The following AKT1S1 variants were observed in gnomAD, a reference collection of about 807,000 sequenced individuals.
AKT1S1 encodes the protein AKT1 substrate 1.
In AKT1S1, 17 loss-of-function variants were observed where a neutral mutation model predicts 21.2. The observed-to-expected ratio is 0.80, with a 90% confidence interval of 0.55 to 1.20. The LOEUF (loss-of-function observed/expected upper bound fraction) is 1.20, where lower values mean the gene tolerates loss of function less well. AKT1S1 is among the 50% of genes most tolerant of loss of function. AKT1S1 has a pLI of 0.00. For synonymous variants in AKT1S1, 181 were observed against 165.6 expected (o/e 1.09, Z -0.72); for missense variants, 366 against 368.3 (o/e 0.99, Z 0.05).
At chr19:49,875,613 A>G (rs903080131) in intron 1 of AKT1S1, among the ~76,000 whole-genome samples, 6 of 152,206 alleles carry the variant, frequency 3.9e-5, no homozygotes, top group African/African-American at 1.4e-4. Flanking sequence ...ACGGGCCTCC[A>G]GCCCCTAATG....
upstream of AKT1S1, chr19:49,877,769 C>A: frequency 6.3e-7 from 1 of 1,582,440 alleles, no homozygotes; most frequent in African/African-American, 1.3e-5. Context: ...CGCATTCCCT[C>A]GCTTCAGTGT....
At position 49,871,534 on chromosome 19, in the gene AKT1S1, A is replaced by G. The variant is rs1308564724; in HGVS notation, c.627+13T>C. 6.2e-7 allele frequency: 1 copy of G among 1,613,420 alleles called. No individual in the cohort carries two copies. The highest frequency in any genetic ancestry group is 8.5e-7 in the Non-Finnish European group (1 of 1,179,958). On this transcript the variant is annotated intron_variant, in intron 4 of 4. Transcript: ENST00000344175. ...CCAGCTGCCCTCCCTACCTCCCCAC[A>G]TTTGCCCCTCACCGGCCCATTCTCC...
At chr19:49,874,569 G>A (rs2074919982) in intron 1 of AKT1S1, 1 of 152,296 alleles carries the variant, frequency 6.6e-6, no homozygotes, top group African/African-American at 2.4e-5. Context: ...GTGTTTGCAG[G>A]ACAGGTCGGC....
chr19:49,870,977 C>T (rs1340040453), intron 4 of AKT1S1, among the ~76,000 whole-genome samples: 1 of 152,168 alleles, frequency 6.6e-6, no homozygotes, highest in Non-Finnish European at 1.5e-5. Context: ...CCCTCAAAGC[C>T]CACAGCTCCT....
chr19:49,871,177 G>A (rs1185749660), intron 4 of AKT1S1, among the ~76,000 whole-genome samples: 1 of 152,182 alleles, frequency 6.6e-6, no homozygotes, highest in Non-Finnish European at 1.5e-5. Flanking sequence ...GGGGACCAGG[G>A]GGTGGGACAA....
At chr19:49,875,938 CCGATAGA>C (rs2074936172) in intron 1 of AKT1S1, 1 of 985,218 alleles carries the variant, frequency 1.0e-6, no homozygotes, top group African/African-American at 1.7e-5. Flanking sequence ...AGAACCCGCC[CCGATAGA>C]CGAGTTTCGT....
In AKT1S1 at chr19:49,872,921, A is replaced by G; in HGVS notation, c.375T>C (p.Asn125=). 6.8e-7 allele frequency: 1 copy of G among 1,463,196 alleles called. No homozygotes were observed. Among genetic ancestry groups the G allele is most frequent in the South Asian group, 1.1e-5 (1 of 87,618 alleles). 90.6% of individuals were successfully genotyped at this position (1,463,196 alleles called of 1,614,324 possible). The part of the protein sequence containing the change: ...TSGEQLGISD[N]GGLFVMDEDA... ...CCCCTGCCCCCACCCTCTCACCTCC[A>G]TTATCACTAATGCCCAGCTGCTCCC... Residue 125 remains asparagine (N), a synonymous_variant, in exon 2 of 5, where the codon AAT becomes AAC. Coordinates refer to ENST00000344175, the MANE Select transcript of AKT1S1 (RefSeq NM_001098633.4).
chr19:49,873,459 AG>A lies in AKT1S1; in HGVS notation c.-7-158del. ...GTCCTCCCCAAACCTGCTACTCCCCAGGATTCTCACCATCCAGTCCTCGCAG... is the reference window on the plus strand; with the variant it reads ...GTCCTCCCCAAACCTGCTACTCCCCAGATTCTCACCATCCAGTCCTCGCAG... On this transcript the variant is annotated intron_variant, in intron 1 of 4. Coordinates refer to ENST00000344175, the MANE Select transcript of AKT1S1 (RefSeq NM_001098633.4). This position sits in a 1 kb window ranked among gnomAD's most constrained non-coding sequence, Gnocchi z 6.9. 2 of 1,299,676 alleles carry A rather than the reference AG, an allele frequency of 1.5e-6. No homozygotes were observed. The allele number at this position is 1,299,676 out of a possible 1,614,324, so 80.5% of individuals were successfully genotyped here.
chr19:49,877,595 C>T (rs1022065311), upstream of AKT1S1: 3 of 984,396 alleles, frequency 3.0e-6, no homozygotes, highest in Non-Finnish European at 4.4e-6. Context: ...TGGTTTCACC[C>T]GCTCCTTCTC....
At position 49,871,532 on chromosome 19, in the gene AKT1S1, A is replaced by G. The variant is rs745752377; in HGVS notation, c.627+15T>C. On this transcript the variant is annotated intron_variant, in intron 4 of 4. Coordinates refer to ENST00000344175, the MANE Select transcript of AKT1S1 (RefSeq NM_001098633.4). ...TTCCAGCTGCCCTCCCTACCTCCCC[A>G]CATTTGCCCCTCACCGGCCCATTCT... The G allele has an allele frequency of 5.6e-6, 9 of 1,613,448 alleles. No individual in the cohort carries two copies. The Admixed American group carries it at 1.0e-4, about 18-fold the overall frequency.
intron 1 of AKT1S1, chr19:49,876,512 T>G: frequency 7.0e-7 from 1 of 1,433,482 alleles, no homozygotes; most frequent in Non-Finnish European, 9.2e-7. Flanking sequence ...GCCATACCCC[T>G]CCCGTGAGCC....
chr19:49,869,194 G>A lies in AKT1S1; in HGVS notation c.*723C>T, dbSNP rs905240385. The A allele has an allele frequency of 1.3e-5, 2 of 152,576 alleles. No homozygotes were observed. Among genetic ancestry groups the A allele is most frequent in the African/African-American group, 4.8e-5 (2 of 41,474 alleles). The allele number at this position is 152,576 out of a possible 1,614,324, so 9.5% of individuals were successfully genotyped here. On this transcript the variant is annotated 3_prime_UTR_variant, in exon 5 of 5. Coordinates refer to ENST00000344175, the MANE Select transcript of AKT1S1 (RefSeq NM_001098633.4). Reference sequence around the variant, plus strand: ...GGCCCTTTAAGGCACCTGTGGAGGTGGGGGGCGAGGGGCGGGAGCTGGTAC... The same window carrying A: ...GGCCCTTTAAGGCACCTGTGGAGGTAGGGGGCGAGGGGCGGGAGCTGGTAC...
chr19:49,877,672 A>C, upstream of AKT1S1: 2 of 1,585,682 alleles, frequency 1.3e-6, no homozygotes, highest in Non-Finnish European at 1.7e-6. Context: ...AAGTGACAAC[A>C]CGCTGACTAG....
chr19:49,877,617 G>T (rs911771691), upstream of AKT1S1: 4 of 1,295,120 alleles, frequency 3.1e-6, no homozygotes, highest in Non-Finnish European at 4.3e-6. Context: ...AGAACGGGTC[G>T]GGCCGCTACC....
In AKT1S1 at chr19:49,876,069, G is replaced by A. The variant is rs117983295; in HGVS notation, c.-8+1168C>T. The A allele has an allele frequency of 3.3e-5, 33 of 985,802 alleles. No homozygotes were observed. In the East Asian group the frequency reaches 3.3e-3, roughly 98 times the overall value. 61.1% of individuals were successfully genotyped at this position (985,802 alleles called of 1,614,324 possible). A position where few individuals can be genotyped will look rare whatever the true frequency, so the allele number is the denominator to read the frequency against. ...GGAGGGAAAAGAGCTAAGGAGGAGAGGGGTGGAACCACCCCTCCTGTCGAA... is the reference window on the plus strand; with the variant it reads ...GGAGGGAAAAGAGCTAAGGAGGAGAAGGGTGGAACCACCCCTCCTGTCGAA... On this transcript the variant is annotated intron_variant, in intron 1 of 4. Coordinates refer to ENST00000344175, the MANE Select transcript of AKT1S1 (RefSeq NM_001098633.4).
At chr19:49,870,553 G>C (rs2074872923) in intron 4 of AKT1S1, among the ~76,000 whole-genome samples, 1 of 152,188 alleles carries the variant, frequency 6.6e-6, no homozygotes, top group Non-Finnish European at 1.5e-5. Context: ...CTTATCATGT[G>C]GCCACTGCGC....
At chr19:49,872,192 T>A (rs1289556456) in intron 2 of AKT1S1, among the ~76,000 whole-genome samples, 8 of 152,134 alleles carry the variant, frequency 5.3e-5, no homozygotes, top group Admixed American at 1.3e-4. Flanking sequence ...AAACATGCAA[T>A]GACTATGACC....
chr19:49,877,552 G>A (rs1222392891), upstream of AKT1S1: 11 of 619,710 alleles, frequency 1.8e-5, no homozygotes, highest in East Asian at 6.2e-5. Flanking sequence ...ATCCACCCTC[G>A]AGGTTCCAGT....
At chr19:49,871,931 T>C (rs2074890177) in intron 2 of AKT1S1, 42 bp from the exon 3 acceptor site, 2 of 1,596,440 alleles carry the variant, frequency 1.3e-6, no homozygotes, top group South Asian at 1.1e-5. Context: ...AGGCAGCACC[T>C]AGCCATGCTC....
Sources: gnomAD v4.1 joint callset for allele counts (sites outside exome capture counted in the v4.1 genomes callset) on GRCh38, gnomAD v4.1.1 for gene constraint, Gnocchi (gnomAD v3.1) non-coding constraint, MANE v1.5 for transcripts, NCBI Gene and HGNC (gene_info 2026-07-23, HGNC 2026-07-21) for gene names.